Variants in AKAP13 observed in about 807,000 individuals in gnomAD.
The protein encoded by AKAP13 is A-kinase anchoring protein 13, also known as A-kinase anchor protein 13.
Under a neutral mutation model 264.5 loss-of-function variants are expected in AKAP13, and 80 were observed. The ratio of observed to expected loss-of-function variants is 0.30; its 90% CI spans 0.25 to 0.36. The LOEUF is 0.36. AKAP13 is among the 10% of genes least tolerant of loss of function. The pLI is 1.00. For missense variants in AKAP13, 3,712 were observed against 3,435.2 expected (o/e 1.08, Z -2.01); for synonymous variants, 1,380 against 1,250.2 (o/e 1.10, Z -2.19).
chr15:85,487,288 G>C (rs548814177), intron 2 of AKAP13, among the ~76,000 whole-genome samples: 3 of 152,074 alleles, frequency 2.0e-5, no homozygotes, highest in African/African-American at 7.2e-5. Flanking sequence ...AGCATGTCTG[G>C]TACAACATTG....
intron 8 of AKAP13, chr15:85,627,800 G>C (rs926555455): frequency 1.3e-5 from 2 of 152,258 alleles, no homozygotes; most frequent in Admixed American, 1.3e-4. Flanking sequence ...ATGGCTTCCT[G>C]CAGATTCTTG....
intron 8 of AKAP13, among the ~76,000 whole-genome samples, chr15:85,623,848 T>C (rs1271112823): frequency 6.6e-6 from 1 of 152,264 alleles, no homozygotes; most frequent in Non-Finnish European, 1.5e-5. Flanking sequence ...GGTTGGTAAC[T>C]ATGAATCATA....
At chr15:85,684,971 G>A in intron 16 of AKAP13, 98 bp downstream of exon 16, 8 of 1,359,870 alleles carry the variant, frequency 5.9e-6, no homozygotes, top group East Asian at 2.5e-5. Flanking sequence ...GGACATAAAT[G>A]GAAATAAATT....
At chr15:85,549,955 C>T (rs934163324) in intron 5 of AKAP13, among the ~76,000 whole-genome samples, 6 of 152,256 alleles carry the variant, frequency 3.9e-5, no homozygotes, top group African/African-American at 1.4e-4. Context: ...CTATTGCTGT[C>T]ACCCAGGCTG....
intron 4 of AKAP13, chr15:85,537,125 A>C (rs2077427653): frequency 6.6e-6 from 1 of 151,912 alleles, no homozygotes; most frequent in African/African-American, 2.4e-5. Context: ...CTGCAGTTTA[A>C]ATTGTTCTAT....
chr15:85,390,729 C>G (rs576931854), intron 1 of AKAP13, among the ~76,000 whole-genome samples: 1 of 152,182 alleles, frequency 6.6e-6, no homozygotes, highest in South Asian at 2.1e-4. Flanking sequence ...CGGTTTGAAT[C>G]CATATACGCT....
chr15:85,716,066 G>T (rs958609651), intron 20 of AKAP13, 143 bp downstream of exon 20: 1 of 1,072,508 alleles, frequency 9.3e-7, no homozygotes, highest in Non-Finnish European at 1.3e-6. Flanking sequence ...GGACGATGGG[G>T]ATTATGTTTC....
rs552996661 is a variant in AKAP13, at chr15:85,486,938, C to T, written c.33+1185C>T. 3.9e-5 allele frequency among the ~76,000 whole-genome samples: 6 copies of T among 152,108 alleles called. No individual in the cohort carries two copies. In the Middle Eastern group the frequency reaches 0.017, roughly 431 times the overall value. On this transcript the variant is annotated intron_variant, in intron 2 of 36. Coordinates refer to ENST00000394518, the MANE Select transcript of AKAP13 (RefSeq NM_007200.5). The stretch of plus-strand genomic sequence containing the variant: ...TATTTTTAGTAGAGACAGGGTTTTA[C>T]CATGTTTGCCAGGGTGGTCTCGAAC...
chr15:85,483,531 C>T (rs1189921589), intron 1 of AKAP13, among the ~76,000 whole-genome samples: 2 of 145,750 alleles, frequency 1.4e-5, no homozygotes, highest in East Asian at 3.9e-4. Context: ...GAGGCTGAGG[C>T]AGGATAATGG....
intron 10 of AKAP13, among the ~76,000 whole-genome samples, chr15:85,652,589 A>G (rs936417290): frequency 1.6e-4 from 25 of 152,198 alleles, no homozygotes; most frequent in African/African-American, 6.0e-4. Flanking sequence ...TGAGTATATT[A>G]GCTTCCTAGG....
intron 1 of AKAP13, among the ~76,000 whole-genome samples, chr15:85,482,700 A>AT (rs1196813668): frequency 3.9e-5 from 6 of 152,140 alleles, no homozygotes; most frequent in South Asian, 4.1e-4. Context: ...TGAAAGATCA[A>AT]TTTTTTTCAC....
chr15:85,426,394 T>G (rs1272044542), intron 1 of AKAP13, among the ~76,000 whole-genome samples: 1 of 152,222 alleles, frequency 6.6e-6, no homozygotes, highest in Non-Finnish European at 1.5e-5. Context: ...TAGGATCATC[T>G]AAAACAAAAA....
Position 85,538,636 on chromosome 15 carries a change from C to T in AKAP13, c.478+4756C>T, listed in dbSNP as rs2077481517. On this transcript the variant is annotated intron_variant, in intron 4 of 36. Transcript: ENST00000394518. ...TCCCGAGTAGCCGGGACTACAGACG[C>T]CCGCCACCACGCCCAGCTAATTTTT... Among the ~76,000 whole-genome samples the T allele has an allele frequency of 2.0e-5, 3 of 150,694 alleles. No homozygotes were observed. In the South Asian group the frequency reaches 6.3e-4, roughly 32 times the overall value.
intron 8 of AKAP13, among the ~76,000 whole-genome samples, chr15:85,605,781 ATTC>A (rs1169931492): frequency 2.0e-5 from 3 of 152,210 alleles, no homozygotes; most frequent in African/African-American, 7.2e-5. Flanking sequence ...TTAAAAAAGC[ATTC>A]AGTCTTCAAG....
intron 1 of AKAP13, among the ~76,000 whole-genome samples, chr15:85,417,653 T>G (rs2072304876): frequency 6.6e-6 from 1 of 152,214 alleles, no homozygotes. Flanking sequence ...TTTTGCCGAT[T>G]AAACATGACT....
intron 8 of AKAP13, chr15:85,620,293 TGG>T: frequency 2.2e-6 from 2 of 905,956 alleles, no homozygotes; most frequent in East Asian, 5.3e-5. Flanking sequence ...CTGTGCACAG[TGG>T]AGGATGAGGG....
At chr15:85,392,519 C>T (rs1469557021) in intron 1 of AKAP13, among the ~76,000 whole-genome samples, 3 of 152,182 alleles carry the variant, frequency 2.0e-5, no homozygotes, top group Admixed American at 2.0e-4. Context: ...TCCCAAAGTG[C>T]TGGGATTACA....
intron 1 of AKAP13, among the ~76,000 whole-genome samples, chr15:85,411,573 G>A (rs2071968918): frequency 6.6e-6 from 1 of 152,180 alleles, no homozygotes; most frequent in African/African-American, 2.4e-5. Flanking sequence ...GAGTAGCTGG[G>A]ACTACAGGCG....
chr15:85,585,885 T>A (rs2079319035), intron 8 of AKAP13, 62 bp downstream of exon 8: 8 of 1,580,226 alleles, frequency 5.1e-6, no homozygotes, highest in Non-Finnish European at 6.9e-6. Context: ...TGCTGTGTCT[T>A]ATTTATGGCT....
Sources: gnomAD v4.1 joint callset for allele counts (sites outside exome capture counted in the v4.1 genomes callset) on GRCh38, gnomAD v4.1.1 for gene constraint, MANE v1.5 for transcripts, NCBI Gene and HGNC (gene_info 2026-07-23, HGNC 2026-07-21) for gene names.